The following RAPGEF6 variants were observed in gnomAD, a reference collection of about 807,000 sequenced individuals.
RAPGEF6 encodes the protein Rap guanine nucleotide exchange factor 6, also known as PDZ domain containing guanine nucleotide exchange factor (GEF) 2.
Under a neutral mutation model 171.4 loss-of-function variants are expected in RAPGEF6, and 56 were observed. The ratio of observed to expected loss-of-function variants is 0.33; its 90% confidence interval spans 0.26 to 0.41. The LOEUF (loss-of-function observed/expected upper bound fraction) is 0.41, where lower values mean the gene tolerates loss of function less well. Ranked by LOEUF, RAPGEF6 falls within the 10% of genes least tolerant of loss-of-function variation. The pLI, the probability that RAPGEF6 is intolerant of heterozygous loss-of-function variation, is 1.00. For synonymous variants in RAPGEF6, 692 were observed against 650.1 expected (o/e 1.06, Z -0.98); for missense variants, 1,674 against 1,921.4 (o/e 0.87, Z 2.41).
chr5:131,498,532 G>C lies in RAPGEF6; in HGVS notation c.1330C>G (p.Leu444Val), dbSNP rs1355405999. The C allele has an allele frequency of 6.2e-7, 1 of 1,613,668 alleles. No individual in the cohort carries two copies. Among genetic ancestry groups the C allele is most frequent in the Admixed American group, 1.7e-5 (1 of 59,988 alleles). ...IVDPTYIEDF[L>V]LTYRTFLESP... The stretch of plus-strand genomic sequence containing the variant: ...TCAAGAAATGTCCTGTAAGTTAATA[G>C]AAAATCTTCTATATAAGTTGGATCC... The change falls in exon 12 of 28, where the codon CTA becomes GTA. Residue 444 changes from leucine (L) to valine (V), a missense_variant. Leu to Val is a conservative substitution (Grantham distance 32). Transcript: ENST00000509018.
At chr5:131,555,305 T>C (rs540576568) in intron 5 of RAPGEF6, among the ~76,000 whole-genome samples, 1 of 152,276 alleles carries the variant, frequency 6.6e-6, no homozygotes, top group East Asian at 1.9e-4. Context: ...CTATAACCAC[T>C]AGGAATGCTT....
intron 17 of RAPGEF6, 100 bp downstream of exon 17, chr5:131,472,487 G>A (rs747267419): frequency 3.8e-6 from 5 of 1,326,366 alleles, no homozygotes; most frequent in Admixed American, 3.8e-5. Context: ...CTAGAGTTAA[G>A]AGGGCTGCAA....
chr5:131,460,187 C>T (rs1440524882), intron 19 of RAPGEF6, among the ~76,000 whole-genome samples: 1 of 152,198 alleles, frequency 6.6e-6, no homozygotes, highest in Non-Finnish European at 1.5e-5. Context: ...AACCAAATCT[C>T]AGCCCTTTCC....
intron 15 of RAPGEF6, 141 bp downstream of exon 15, chr5:131,489,405 C>T: frequency 1.6e-6 from 1 of 609,938 alleles, no homozygotes; most frequent in Admixed American, 3.5e-5. Context: ...CATAATAGTT[C>T]AAAACTAAAG....
At chr5:131,592,965 C>T (rs1009938257) in intron 3 of RAPGEF6, among the ~76,000 whole-genome samples, 3 of 151,984 alleles carry the variant, frequency 2.0e-5, no homozygotes, top group Non-Finnish European at 4.4e-5. Flanking sequence ...AAATGTGATA[C>T]AATTAAAGAT....
At chr5:131,532,132 T>C in intron 6 of RAPGEF6, 1 of 453,490 alleles carries the variant, frequency 2.2e-6, no homozygotes, top group Non-Finnish European at 4.4e-6. Context: ...ACAATTGGCA[T>C]AACAGCGAAC....
At chr5:131,512,060 T>C (rs1431363943) in intron 7 of RAPGEF6, among the ~76,000 whole-genome samples, 1 of 151,348 alleles carries the variant, frequency 6.6e-6, no homozygotes, top group East Asian at 1.9e-4. Context: ...GGCAGGGAAA[T>C]AGGAAAGGGA....
chr5:131,506,644 C>T, intron 9 of RAPGEF6, among the ~76,000 whole-genome samples: 1 of 152,036 alleles, frequency 6.6e-6, no homozygotes, highest in Admixed American at 6.6e-5. Context: ...ATACTCACTA[C>T]ACAACTTGTG....
At chr5:131,601,385 C>CA (rs758602740) in intron 3 of RAPGEF6, among the ~76,000 whole-genome samples, 1,254 of 52,906 alleles carry the variant, frequency 0.024, 11 homozygotes, top group South Asian at 0.029. Flanking sequence ...GACTCCGTCT[C>CA]AAAAAAAAAA....
chr5:131,433,119 C>A (rs1431935918), intron 25 of RAPGEF6, among the ~76,000 whole-genome samples: 2 of 152,134 alleles, frequency 1.3e-5, no homozygotes, highest in Non-Finnish European at 2.9e-5. Context: ...TTTGATTAAC[C>A]TATAGCCAGA....
chr5:131,531,973 T>C (rs1050355386), intron 6 of RAPGEF6: 5 of 283,778 alleles, frequency 1.8e-5, no homozygotes, highest in African/African-American at 1.1e-4. Flanking sequence ...AAAATGGCAA[T>C]GAGAAAGACT....
rs546120418 is a variant in RAPGEF6 at position 131,445,969 on chromosome 5, A to T, written c.3421+514T>A. ...TGCATTCTCTTGCTTGTATTTAATT[A>T]AAAAAAATCCATATTGAGAACACGA... is the stretch of plus-strand genomic sequence containing the variant. On this transcript the variant is annotated intron_variant, in intron 22 of 27. Transcript: ENST00000509018. Among the ~76,000 whole-genome samples the T allele has an allele frequency of 9.5e-4, 144 of 152,148 alleles. 1 individual carries two copies. Among genetic ancestry groups the T allele is most frequent in the Admixed American group, 1.4e-3 (21 of 15,280 alleles).
At chr5:131,560,241 A>G (rs934522781) in intron 5 of RAPGEF6, among the ~76,000 whole-genome samples, 3 of 152,200 alleles carry the variant, frequency 2.0e-5, no homozygotes, top group Admixed American at 2.0e-4. Context: ...AAATATGTCA[A>G]CATGTAACTG....
Position 131,469,868 on chromosome 5 carries a change from T to TA in RAPGEF6, c.2239+2718dup, listed in dbSNP as rs1754625245. The TA allele has an allele frequency of 5.7e-6, 8 of 1,415,098 alleles. No individual in the cohort carries two copies. The African/African-American group carries it at 7.2e-5, about 13-fold the overall frequency. The allele number at this position is 1,415,098 out of a possible 1,614,324, so 87.7% of individuals were successfully genotyped here. ...CAAAGTAAGCAATCAAAAACAAACT[T>TA]ACAGTTCTGTAGCTTTGCCCCCACT... On this transcript the variant is annotated intron_variant, in intron 17 of 27. Transcript: ENST00000509018.
intron 6 of RAPGEF6, among the ~76,000 whole-genome samples, chr5:131,546,664 G>A (rs762454439): frequency 4.0e-5 from 6 of 151,718 alleles, no homozygotes; most frequent in Non-Finnish European, 8.8e-5. Context: ...CAAATATCAA[G>A]AACTGAATAA....
At chr5:131,561,844 T>C (rs1210576033) in intron 5 of RAPGEF6, 134 bp downstream of exon 5, 4 of 649,416 alleles carry the variant, frequency 6.2e-6, no homozygotes, top group South Asian at 2.0e-5. Context: ...ACCTGGTAGA[T>C]AGTTCTGATG....
intron 14 of RAPGEF6, 54 bp downstream of exon 14, chr5:131,492,528 C>G: frequency 6.5e-7 from 1 of 1,528,330 alleles, no homozygotes. Context: ...ACAAAAGCAG[C>G]AGGCATAATA....
At chr5:131,488,917 A>C (rs1756104365) in intron 15 of RAPGEF6, among the ~76,000 whole-genome samples, 1 of 152,194 alleles carries the variant, frequency 6.6e-6, no homozygotes. Context: ...AATCACATTA[A>C]ATCTTTCCTA....
intron 6 of RAPGEF6, among the ~76,000 whole-genome samples, chr5:131,524,609 T>TGAGAGAGAGAGAGAGAGA (rs55956395): frequency 3.7e-5 from 5 of 134,906 alleles, no homozygotes; most frequent in African/African-American, 1.4e-4. Flanking sequence ...AGAGAGAGAT[T>TGAGAGAGAGAGAGAGAGA]GAGAGAGAGA....
Sources: gnomAD v4.1 joint callset for allele counts (sites outside exome capture counted in the v4.1 genomes callset) on GRCh38, gnomAD v4.1.1 for gene constraint, MANE v1.5 for transcripts, NCBI Gene and HGNC (gene_info 2026-07-23, HGNC 2026-07-21) for gene names.